ARB2A: variants seen among roughly 807,000 people sequenced by gnomAD.
ARB2A encodes ARB2 cotranscriptional regulator A, also known as cotranscriptional regulator ARB2A.
At chr5:94,013,948 C>T in the ARB2A span, among the ~76,000 whole-genome samples, 47 of 152,260 alleles carry the variant, frequency 3.1e-4, no homozygotes, top group South Asian at 4.1e-3. Context: ...AATTTCCCTC[C>T]AATTCACAGT....
At chr5:93,864,749 C>G in the ARB2A span, among the ~76,000 whole-genome samples, 1 of 152,088 alleles carries the variant, frequency 6.6e-6, no homozygotes, top group East Asian at 1.9e-4. Context: ...AATGATATAT[C>G]ACTAGTTGTG....
At chr5:93,827,200 A>G in the ARB2A span, among the ~76,000 whole-genome samples, 1 of 152,172 alleles carries the variant, frequency 6.6e-6, no homozygotes, top group Non-Finnish European at 1.5e-5. Context: ...GAACTAGTTT[A>G]CAGTCCCACC....
the ARB2A span, among the ~76,000 whole-genome samples, chr5:93,763,260 T>A: frequency 6.6e-6 from 1 of 152,094 alleles, no homozygotes; most frequent in Non-Finnish European, 1.5e-5. Flanking sequence ...GCAAATTGGA[T>A]AAAGAGTCAA....
chr5:94,085,087 A>C, the ARB2A span, among the ~76,000 whole-genome samples: 2 of 152,170 alleles, frequency 1.3e-5, no homozygotes, highest in Admixed American at 6.5e-5. Context: ...GATAAATTAA[A>C]CTACTCTGGA....
the ARB2A span, among the ~76,000 whole-genome samples, chr5:94,104,100 CAA>C: frequency 6.2e-5 from 8 of 129,270 alleles, no homozygotes; most frequent in Non-Finnish European, 1.0e-4. Flanking sequence ...CTAGAGCAAC[CAA>C]AAAAAAAAAA....
chr5:93,950,811 G>A, the ARB2A span, among the ~76,000 whole-genome samples: 1 of 151,670 alleles, frequency 6.6e-6, no homozygotes, highest in Non-Finnish European at 1.5e-5. Flanking sequence ...CAGCATGGTG[G>A]TGCATGCCTG....
At chr5:93,825,041 T>C in the ARB2A span, among the ~76,000 whole-genome samples, 2 of 152,198 alleles carry the variant, frequency 1.3e-5, no homozygotes, top group African/African-American at 4.8e-5. Context: ...GTCTTCAGGA[T>C]TGTACTGGTA....
chr5:93,822,136 T>C, the ARB2A span, among the ~76,000 whole-genome samples: 2 of 152,196 alleles, frequency 1.3e-5, no homozygotes, highest in Admixed American at 1.3e-4. Context: ...AGCTCCTTTT[T>C]AACTTCTTAC....
the ARB2A span, among the ~76,000 whole-genome samples, chr5:93,631,595 T>G: frequency 2.6e-5 from 4 of 152,206 alleles, no homozygotes; most frequent in Non-Finnish European, 5.9e-5. Flanking sequence ...AGAACAAGTT[T>G]CTGATTCTAA....
chr5:93,857,124 T>C, the ARB2A span, among the ~76,000 whole-genome samples: 2 of 152,156 alleles, frequency 1.3e-5, no homozygotes, highest in African/African-American at 4.8e-5. Flanking sequence ...AATGCTGCTG[T>C]CTGATCGTTC....
chr5:93,922,947 A>C, the ARB2A span, among the ~76,000 whole-genome samples: 1 of 152,158 alleles, frequency 6.6e-6, no homozygotes, highest in Non-Finnish European at 1.5e-5. Flanking sequence ...GAGAAATTAA[A>C]AAGCAAAAAA....
the ARB2A span, among the ~76,000 whole-genome samples, chr5:93,721,395 T>C: frequency 5.3e-5 from 8 of 152,338 alleles, no homozygotes; most frequent in South Asian, 2.1e-4. Context: ...AATCCTAGCA[T>C]GAAAAAAGAT....
chr5:93,733,121 T>C, the ARB2A span: 1 of 152,118 alleles, frequency 6.6e-6, no homozygotes, highest in Non-Finnish European at 1.5e-5. Context: ...TTTTTTGTTG[T>C]TAAACTTTTT....
At chr5:93,925,823 A>C in the ARB2A span, among the ~76,000 whole-genome samples, 2 of 152,172 alleles carry the variant, frequency 1.3e-5, no homozygotes, top group African/African-American at 2.4e-5. Context: ...TCTCAAATCA[A>C]GACAAAGTAA....
At chr5:93,836,934 G>A in the ARB2A span, among the ~76,000 whole-genome samples, 1 of 152,050 alleles carries the variant, frequency 6.6e-6, no homozygotes, top group Non-Finnish European at 1.5e-5. Flanking sequence ...CTATCAATTT[G>A]TTTCTACCTT....
chr5:93,753,599 C>A, the ARB2A span, among the ~76,000 whole-genome samples: 1 of 152,188 alleles, frequency 6.6e-6, no homozygotes, highest in Non-Finnish European at 1.5e-5. Context: ...AAGTTTAATT[C>A]TTAACCCAGA....
chr5:93,947,239 G>A, the ARB2A span, among the ~76,000 whole-genome samples: 1 of 151,996 alleles, frequency 6.6e-6, no homozygotes, highest in Non-Finnish European at 1.5e-5. Context: ...AGGTTTCATT[G>A]GTCCAGAATT....
At chr5:93,932,243 T>C in the ARB2A span, among the ~76,000 whole-genome samples, 3 of 152,190 alleles carry the variant, frequency 2.0e-5, no homozygotes, top group Non-Finnish European at 4.4e-5. Context: ...TGTGAGTCAG[T>C]TGTTAAAATA....
chr5:93,709,428 T>A, the ARB2A span, among the ~76,000 whole-genome samples: 6 of 150,496 alleles, frequency 4.0e-5, no homozygotes, highest in South Asian at 8.4e-4. Flanking sequence ...AGGTCAGGAG[T>A]TCGAGACAAG....
Sources: allele counts gnomAD v4.1 joint callset (sites outside exome capture counted in the v4.1 genomes callset), GRCh38; gene constraint gnomAD v4.1.1; transcripts MANE v1.5; gene names NCBI Gene and HGNC (gene_info 2026-07-23, HGNC 2026-07-21).